The following CCDC7 variants were observed in gnomAD, a reference collection of about 807,000 sequenced individuals.
The protein encoded by CCDC7 is coiled-coil domain containing 7.
Under a neutral mutation model 196.9 loss-of-function variants are expected in CCDC7, and 183 were observed. The ratio of observed to expected loss-of-function variants is 0.93; its 90% CI spans 0.82 to 1.05. The LOEUF (loss-of-function observed/expected upper bound fraction) is 1.05. Among genes scored for constraint, CCDC7 ranks in the 50% least tolerant of loss-of-function variants. The pLI is 0.00. For synonymous variants in CCDC7, 525 were observed against 484.6 expected, an observed-to-expected ratio of 1.08 and a Z score of -1.10; for missense variants, 1,540 against 1,482.2, an observed-to-expected ratio of 1.04 and a Z score of -0.64.
chr10:32,628,682 C>T (rs186017728), intron 18 of CCDC7, among the ~76,000 whole-genome samples: 1 of 152,098 alleles, frequency 6.6e-6, no homozygotes, highest in East Asian at 1.9e-4. Flanking sequence ...TCCATATCCC[C>T]TAAGTTGTGG....
At chr10:32,676,803 G>T (rs1382094765) in intron 21 of CCDC7, among the ~76,000 whole-genome samples, 13 of 152,086 alleles carry the variant, frequency 8.5e-5, no homozygotes, top group Admixed American at 7.9e-4. Context: ...ATTGTGGAAG[G>T]CAGTGTGGCG....
intron 21 of CCDC7, among the ~76,000 whole-genome samples, 177 bp downstream of exon 22, chr10:32,664,338 G>A (rs2140463859): frequency 6.6e-6 from 1 of 152,056 alleles, no homozygotes; most frequent in African/African-American, 2.4e-5. Flanking sequence ...TATTTAACAT[G>A]TATATTACCT....
At chr10:32,642,131 C>A (rs1017603907) in intron 20 of CCDC7, among the ~76,000 whole-genome samples, 1 of 152,212 alleles carries the variant, frequency 6.6e-6, no homozygotes, top group South Asian at 2.1e-4. Flanking sequence ...TGTCCGTTCT[C>A]AGATCTCAAA....
At chr10:32,834,877 A>G (rs1180319668) in exon 33 of CCDC7, 3 of 1,444,322 alleles carry the variant, frequency 2.1e-6, no homozygotes, top group African/African-American at 2.8e-5. Context: ...TCTAATCAAC[A>G]TACAGTCAAA....
chr10:32,612,963 T>C (rs2062350997), intron 18 of CCDC7, among the ~76,000 whole-genome samples: 1 of 152,108 alleles, frequency 6.6e-6, no homozygotes, highest in Non-Finnish European at 1.5e-5. Flanking sequence ...GGAGTTCCTC[T>C]TTTTCTATTA....
intron 18 of CCDC7, among the ~76,000 whole-genome samples, chr10:32,610,317 G>A (rs569225250): frequency 6.6e-6 from 1 of 152,192 alleles, no homozygotes; most frequent in Admixed American, 6.5e-5. Context: ...TGTTAGCCAG[G>A]ATGGTCTCAA....
At chr10:32,773,697 T>G (rs1184499443) in intron 28 of CCDC7, among the ~76,000 whole-genome samples, 1 of 152,092 alleles carries the variant, frequency 6.6e-6, no homozygotes, top group Non-Finnish European at 1.5e-5. Flanking sequence ...TTACTGAAGG[T>G]TTTTTTGCTC....
chr10:32,524,452 T>C (rs2048360474), intron 11 of CCDC7, among the ~76,000 whole-genome samples: 1 of 152,232 alleles, frequency 6.6e-6, no homozygotes, highest in Non-Finnish European at 1.5e-5. Context: ...TGTTTTCTTG[T>C]GTGCTTACTA....
chr10:32,809,409 C>T (rs2086577646), intron 30 of CCDC7, among the ~76,000 whole-genome samples: 1 of 151,816 alleles, frequency 6.6e-6, no homozygotes, highest in Admixed American at 6.6e-5. Context: ...AAACAGAAAT[C>T]CCATAATTCA....
intron 31 of CCDC7, among the ~76,000 whole-genome samples, chr10:32,817,180 C>T (rs1185987880): frequency 6.6e-6 from 1 of 152,052 alleles, no homozygotes; most frequent in Non-Finnish European, 1.5e-5. Flanking sequence ...ACGAGAAGTA[C>T]GCGACGTATG....
chr10:32,719,841 A>G (rs1362826995), intron 25 of CCDC7, among the ~76,000 whole-genome samples: 2 of 152,194 alleles, frequency 1.3e-5, no homozygotes, highest in Non-Finnish European at 2.9e-5. Flanking sequence ...ATCAATTAGA[A>G]TGGTGATCAT....
chr10:32,775,851 A>G (rs113675288), intron 28 of CCDC7, among the ~76,000 whole-genome samples: 21,665 of 151,678 alleles, frequency 0.14, 1,871 homozygotes, highest in African/African-American at 0.25. Context: ...TTGCGGCATT[A>G]TTCACAATAG....
chr10:32,543,418 T>G, intron 12 of CCDC7, 33 bp downstream of exon 13: 1 of 1,269,770 alleles, frequency 7.9e-7, no homozygotes, highest in Non-Finnish European at 1.0e-6. Context: ...AATCTTTTTT[T>G]CCTTGTTAAT....
At chr10:32,725,596 A>C (rs1331375290) in intron 25 of CCDC7, among the ~76,000 whole-genome samples, 1 of 152,126 alleles carries the variant, frequency 6.6e-6, no homozygotes, top group Non-Finnish European at 1.5e-5. Context: ...TATTTGGCTC[A>C]TGGTTATGCA....
At chr10:32,642,059 C>G (rs2066903529) in intron 20 of CCDC7, among the ~76,000 whole-genome samples, 1 of 152,166 alleles carries the variant, frequency 6.6e-6, no homozygotes, top group Non-Finnish European at 1.5e-5. Flanking sequence ...TCAGTCTGCC[C>G]CTACTGGGGG....
intron 28 of CCDC7, among the ~76,000 whole-genome samples, chr10:32,739,191 C>A (rs147754892): frequency 6.6e-6 from 1 of 151,772 alleles, no homozygotes; most frequent in Admixed American, 6.6e-5. Flanking sequence ...CATTAATTTT[C>A]GAAAATTCTT....
chr10:32,496,655 G>C (rs567174650), intron 9 of CCDC7, among the ~76,000 whole-genome samples: 2 of 152,272 alleles, frequency 1.3e-5, no homozygotes, highest in South Asian at 4.1e-4. Flanking sequence ...TAATCATGTG[G>C]TTTTTGTCAT....
At chr10:32,871,281 T>A (rs988199154) in intron 41 of CCDC7, among the ~76,000 whole-genome samples, 4 of 152,140 alleles carry the variant, frequency 2.6e-5, no homozygotes, top group Non-Finnish European at 4.4e-5. Flanking sequence ...TTTCAGAGCC[T>A]GTTATTGGTC....
At chr10:32,662,643 C>T (rs1420055179) in intron 20 of CCDC7, among the ~76,000 whole-genome samples, 1 of 152,062 alleles carries the variant, frequency 6.6e-6, no homozygotes, top group Non-Finnish European at 1.5e-5. Flanking sequence ...AACAAATGGT[C>T]CAGGAGTGAG....
Sources: allele counts gnomAD v4.1 joint callset (sites outside exome capture counted in the v4.1 genomes callset), GRCh38; gene constraint gnomAD v4.1.1; transcripts MANE v1.5; gene names NCBI Gene and HGNC (gene_info 2026-07-23, HGNC 2026-07-21).